Variants in CASS4 observed in about 807,000 individuals in gnomAD.
CASS4 encodes the protein cas scaffolding protein family member 4.
Under a neutral mutation model 54.2 loss-of-function variants are expected in CASS4, and 22 were observed. The observed-to-expected ratio is 0.41, with a 90% CI of 0.29 to 0.58. The LOEUF is 0.58. Ranked by LOEUF, CASS4 falls within the 20% of genes least tolerant of loss-of-function variation. The pLI, the probability that CASS4 is intolerant of heterozygous loss-of-function variation, is 0.36. For missense variants in CASS4, 854 were observed against 986.7 expected, an observed-to-expected ratio of 0.87 and a Z score of 1.80; for synonymous variants, 409 against 391.5, an observed-to-expected ratio of 1.04 and a Z score of -0.53.
At chr20:56,416,227 T>G (rs1218835406) in intron 1 of CASS4, among the ~76,000 whole-genome samples, 1 of 152,142 alleles carries the variant, frequency 6.6e-6, no homozygotes, top group Non-Finnish European at 1.5e-5. Flanking sequence ...TTTCTGTATT[T>G]TTAGTAGAGA....
chr20:56,451,784 T>C (rs1244569047), intron 4 of CASS4, 35 bp from the exon 5 acceptor site: 2 of 1,538,524 alleles, frequency 1.3e-6, no homozygotes, highest in African/African-American at 1.4e-5. Context: ...TTTGGAAAGC[T>C]ACTAACCCGG....
At chr20:56,423,628 T>C (rs974898384) in intron 1 of CASS4, among the ~76,000 whole-genome samples, 1 of 152,158 alleles carries the variant, frequency 6.6e-6, no homozygotes, top group Non-Finnish European at 1.5e-5. Flanking sequence ...CACTGCAACC[T>C]CCACCTCCCA....
At chr20:56,447,355 G>T (rs1190707532) in intron 3 of CASS4, among the ~76,000 whole-genome samples, 1 of 152,202 alleles carries the variant, frequency 6.6e-6, no homozygotes, top group Non-Finnish European at 1.5e-5. Flanking sequence ...GCTTGGGCCT[G>T]CCTGCTGGGC....
In CASS4 at chr20:56,422,852, T is replaced by G. The variant is rs1979472611; in HGVS notation, c.36+10358T>G. Among the ~76,000 whole-genome samples, 3 of 152,264 alleles carry G rather than the reference T, an allele frequency of 2.0e-5. No homozygotes were observed. The South Asian group carries it at 6.2e-4, about 32-fold the overall frequency. On this transcript the variant is annotated intron_variant, in intron 1 of 5. Transcript: ENST00000679887. Reference sequence around the variant, plus strand: ...GGAACTCTCTTTTCATTAAAGTTTTTCTTTTTCTCTCATATCCCTCCTCAT... The same window carrying G: ...GGAACTCTCTTTTCATTAAAGTTTTGCTTTTTCTCTCATATCCCTCCTCAT...
intron 2 of CASS4, among the ~76,000 whole-genome samples, chr20:56,440,644 C>T (rs983455433): frequency 6.6e-6 from 1 of 152,224 alleles, no homozygotes; most frequent in African/African-American, 2.4e-5. Context: ...AGTCCACTAT[C>T]AACTGCTAGA....
intron 2 of CASS4, among the ~76,000 whole-genome samples, chr20:56,443,418 G>A (rs1002154668): frequency 1.4e-5 from 2 of 144,394 alleles, no homozygotes; most frequent in East Asian, 2.2e-4. Flanking sequence ...GCAGTAAGCC[G>A]AAATGGCACC....
chr20:56,440,589 A>G (rs951653483), intron 2 of CASS4, among the ~76,000 whole-genome samples: 1 of 152,238 alleles, frequency 6.6e-6, no homozygotes, highest in Non-Finnish European at 1.5e-5. Context: ...TACCTGTTGC[A>G]TGAATGAAAT....
At chr20:56,435,127 T>A (rs1980094235) in intron 1 of CASS4, among the ~76,000 whole-genome samples, 1 of 152,232 alleles carries the variant, frequency 6.6e-6, no homozygotes, top group Non-Finnish European at 1.5e-5. Flanking sequence ...CTTCTTACGC[T>A]TTTTAGATAG....
At chr20:56,422,455 C>G (rs1050159199) in intron 1 of CASS4, among the ~76,000 whole-genome samples, 2 of 152,140 alleles carry the variant, frequency 1.3e-5, no homozygotes, top group Admixed American at 6.6e-5. Context: ...TTCAATGAAG[C>G]CTTAAGTGCA....
intron 4 of CASS4, among the ~76,000 whole-genome samples, chr20:56,451,009 A>C (rs527600923): frequency 7.2e-6 from 1 of 139,534 alleles, no homozygotes; most frequent in Non-Finnish European, 1.5e-5. Flanking sequence ...TCTCTAATAA[A>C]ATACAAAAAT....
chr20:56,456,970 GT>G (rs1297996289), intron 5 of CASS4, among the ~76,000 whole-genome samples: 1 of 152,204 alleles, frequency 6.6e-6, no homozygotes, highest in Non-Finnish European at 1.5e-5. Flanking sequence ...ACAGGTGTGG[GT>G]CACTGCACTC....
Position 56,458,520 on chromosome 20 carries a change from G to C in CASS4, c.2134G>C (p.Val712Leu). 6.2e-7 allele frequency: 1 copy of C among 1,614,216 alleles called. No homozygotes were observed. The change falls in exon 6 of 6, where the codon GTG (valine) becomes CTG (leucine). Residue 712 changes from valine (V) to leucine (L), a missense_variant. Transcript: ENST00000679887. ...IITQSKLVIMVGQKLVDTLCM... is the reference protein window; with the variant it reads ...IITQSKLVIMLGQKLVDTLCM... ...CACTCAGAGCAAGCTGGTCATCATG[G>C]TGGGACAGAAGCTGGTGGACACGCT... is the stretch of plus-strand genomic sequence containing the variant.
chr20:56,445,689 G>T (rs1301544072), intron 2 of CASS4, among the ~76,000 whole-genome samples: 1 of 152,106 alleles, frequency 6.6e-6, no homozygotes, highest in Non-Finnish European at 1.5e-5. Context: ...GAACATCGTG[G>T]GCCACGTGCG....
chr20:56,412,494 G>T lies in CASS4; in HGVS notation c.36G>T (p.Lys12Asn), dbSNP rs1046975336. The T allele has an allele frequency of 3.7e-6, 6 of 1,612,166 alleles. No homozygotes were observed. The highest frequency in any genetic ancestry group is 4.2e-6 in the Non-Finnish European group (5 of 1,179,092). Reference protein sequence around the residue: ...KGTGIMDCAPKALLARALYDN... With the variant: ...KGTGIMDCAPNALLARALYDN... ...CAGGCATCATGGACTGTGCGCCCAA[G>T]GTGAGTGATGTGGGGCTGTTTGAAT... Residue 12 changes from lysine to asparagine, a missense_variant and splice_region_variant, in exon 1 of 6, where the codon AAG becomes AAT. Transcript: ENST00000679887. This position sits in a 1 kb window ranked among gnomAD's most constrained non-coding sequence, Gnocchi z 4.2.
At chr20:56,446,302 G>C (rs547878791) in intron 3 of CASS4, among the ~76,000 whole-genome samples, 6 of 152,032 alleles carry the variant, frequency 3.9e-5, no homozygotes, top group African/African-American at 1.4e-4. Flanking sequence ...TGTTGACCAG[G>C]CTGGTCTCGA....
At chr20:56,426,906 T>A (rs983818859) in intron 1 of CASS4, among the ~76,000 whole-genome samples, 3 of 152,090 alleles carry the variant, frequency 2.0e-5, no homozygotes, top group Non-Finnish European at 4.4e-5. Context: ...TGGTTAGTTA[T>A]AGGAAAATAA....
intron 2 of CASS4, among the ~76,000 whole-genome samples, chr20:56,445,065 G>A (rs546415428): frequency 3.3e-5 from 5 of 151,858 alleles, no homozygotes; most frequent in African/African-American, 1.2e-4. Context: ...AGCCGAGATC[G>A]CGCCATTGCA....
chr20:56,451,849 A>C lies in CASS4; in HGVS notation c.673A>C (p.Thr225Pro), dbSNP rs1348134091. The C allele has an allele frequency of 6.2e-7, 1 of 1,613,566 alleles. No homozygotes were observed. The highest frequency in any genetic ancestry group is 8.5e-7 in the Non-Finnish European group (1 of 1,179,550). ...GGGTGTTCCCCTGATATCAGTGACT[A>C]CCTTAAGAAGAGGCGGTTACAGCAC... Reference protein sequence around the residue: ...GQGVPLISVTTLRRGGYSTLP... With the variant: ...GQGVPLISVTPLRRGGYSTLP... Residue 225 changes from threonine (T) to proline (P), a missense_variant, in exon 5 of 6, where the codon ACC (threonine) becomes CCC (proline). Thr to Pro is a conservative substitution (Grantham distance 38). Coordinates refer to ENST00000679887, the MANE Select transcript of CASS4 (RefSeq NM_020356.4).
chr20:56,439,849 G>C (rs748405041), intron 2 of CASS4, among the ~76,000 whole-genome samples: 6 of 152,332 alleles, frequency 3.9e-5, no homozygotes, highest in South Asian at 2.1e-4. Flanking sequence ...GGCATTTCCT[G>C]CCATCAGATG....
Sources: gnomAD v4.1 joint callset for allele counts (sites outside exome capture counted in the v4.1 genomes callset) on GRCh38, gnomAD v4.1.1 for gene constraint, Gnocchi (gnomAD v3.1) non-coding constraint, MANE v1.5 for transcripts, NCBI Gene and HGNC (gene_info 2026-07-23, HGNC 2026-07-21) for gene names.